CPS1: variants seen among roughly 807,000 people sequenced by gnomAD.
CPS1 encodes carbamoyl-phosphate synthase 1.
In CPS1, 109 loss-of-function variants were observed where a neutral mutation model predicts 174.6. That is an observed-to-expected ratio of 0.62 (90% CI 0.53 to 0.73). CPS1 has a LOEUF of 0.73. CPS1 is among the 30% of genes least tolerant of loss of function. The probability of loss-of-function intolerance (pLI) is 0.00; values close to 1 mark genes in which losing one functional copy is unlikely to be tolerated. For synonymous variants in CPS1, 637 were observed against 632.0 expected, an observed-to-expected ratio of 1.01 and a Z score of -0.12; for missense variants, 1,689 against 1,821.9, an observed-to-expected ratio of 0.93 and a Z score of 1.33.
intron 1 of CPS1, among the ~76,000 whole-genome samples, chr2:210,541,191 T>C (rs754717560): frequency 5.9e-5 from 9 of 152,168 alleles, no homozygotes; most frequent in Non-Finnish European, 1.2e-4. Flanking sequence ...AGCATCTTTA[T>C]TGAGACTGAT....
intron 31 of CPS1, among the ~76,000 whole-genome samples, chr2:210,659,577 G>T (rs1256481347): frequency 6.6e-6 from 1 of 152,100 alleles, no homozygotes; most frequent in Non-Finnish European, 1.5e-5. Context: ...CATGAGTTTT[G>T]ATGGGGACAA....
chr2:210,636,742 C>A (rs1395573942), intron 21 of CPS1, among the ~76,000 whole-genome samples: 1 of 151,974 alleles, frequency 6.6e-6, no homozygotes, highest in Non-Finnish European at 1.5e-5. Flanking sequence ...CAAAAGGCTT[C>A]ACAAATGAGG....
At chr2:210,598,627 G>A (rs547024358) in intron 13 of CPS1, among the ~76,000 whole-genome samples, 16 of 151,962 alleles carry the variant, frequency 1.1e-4, no homozygotes, top group Middle Eastern at 6.8e-3. Flanking sequence ...AGGGCATTAT[G>A]TAATAGTAAT....
intron 1 of CPS1, among the ~76,000 whole-genome samples, chr2:210,479,810 A>T (rs1178963624): frequency 6.6e-6 from 1 of 152,154 alleles, no homozygotes; most frequent in Non-Finnish European, 1.5e-5. Context: ...TGATTTTTTA[A>T]AAAAATGTAA....
chr2:210,538,916 T>A (rs951878), intron 1 of CPS1, among the ~76,000 whole-genome samples: 58,135 of 151,844 alleles, frequency 0.38, 11,463 homozygotes, highest in Middle Eastern at 0.51. Flanking sequence ...AGAGGAAAAA[T>A]TTATTACTAT....
chr2:210,654,682 A>G (rs1193954521), intron 29 of CPS1, among the ~76,000 whole-genome samples: 1 of 152,224 alleles, frequency 6.6e-6, no homozygotes, highest in Non-Finnish European at 1.5e-5. Context: ...TTGTATTAAT[A>G]ATGCATTTGT....
chr2:210,618,475 G>A (rs879936054), intron 21 of CPS1: 1 of 152,036 alleles, frequency 6.6e-6, no homozygotes, highest in Non-Finnish European at 1.5e-5. Flanking sequence ...ATGATCCACG[G>A]CGTTAGCAAA....
intron 1 of CPS1, among the ~76,000 whole-genome samples, chr2:210,563,420 C>G (rs1204003165): frequency 6.6e-6 from 1 of 152,118 alleles, no homozygotes; most frequent in East Asian, 1.9e-4. Context: ...TCTTCCATTT[C>G]AACCTAAATA....
At chr2:210,584,214 G>A (rs1017228429) in intron 6 of CPS1, among the ~76,000 whole-genome samples, 1 of 152,002 alleles carries the variant, frequency 6.6e-6, no homozygotes, top group African/African-American at 2.4e-5. Context: ...GTTACCATGG[G>A]GCTTTACATG....
At chr2:210,560,287 T>C (rs560488493) in intron 1 of CPS1, among the ~76,000 whole-genome samples, 3 of 152,130 alleles carry the variant, frequency 2.0e-5, no homozygotes, top group African/African-American at 7.2e-5. Flanking sequence ...GGAAGAATGA[T>C]AAATAGAAAT....
chr2:210,621,518 G>A (rs780163333), intron 21 of CPS1, among the ~76,000 whole-genome samples: 12 of 152,000 alleles, frequency 7.9e-5, no homozygotes, highest in Admixed American at 3.3e-4. Flanking sequence ...CAATGCCGAC[G>A]CTTTCACATA....
chr2:210,525,093 T>G (rs546836825), intron 1 of CPS1, among the ~76,000 whole-genome samples: 48 of 152,028 alleles, frequency 3.2e-4, no homozygotes, highest in African/African-American at 1.0e-3. Context: ...TCATCATCAG[T>G]CATTTTTCTA....
rs914408029 is a variant in CPS1 at position 210,577,524 on chromosome 2, T to C, written c.471+14T>C. On this transcript the variant is annotated intron_variant, in intron 4 of 37. Coordinates refer to ENST00000233072, the MANE Select transcript of CPS1 (RefSeq NM_001875.5). The stretch of plus-strand genomic sequence containing the variant: ...CAGGAAGAAAAGGTAAGAAATGTAA[T>C]AGGGCATCCATCATCACCTAAGGAA... 3.1e-6 allele frequency: 5 copies of C among 1,588,770 alleles called. No homozygotes were observed. Among genetic ancestry groups the C allele is most frequent in the African/African-American group, 1.3e-5 (1 of 74,388 alleles).
intron 1 of CPS1, among the ~76,000 whole-genome samples, chr2:210,564,109 G>C (rs1045845371): frequency 6.6e-6 from 1 of 152,112 alleles, no homozygotes; most frequent in South Asian, 2.1e-4. Context: ...ACCCCTAAAA[G>C]AGATGAGATT....
chr2:210,547,730 T>C (rs1211615850), intron 1 of CPS1, among the ~76,000 whole-genome samples: 1 of 152,126 alleles, frequency 6.6e-6, no homozygotes, highest in African/African-American at 2.4e-5. Flanking sequence ...AAATGTCTTT[T>C]ACTTATTTTT....
At chr2:210,592,329 C>T (rs1574563694) in intron 10 of CPS1, among the ~76,000 whole-genome samples, 1 of 151,988 alleles carries the variant, frequency 6.6e-6, no homozygotes, top group East Asian at 1.9e-4. Context: ...CCATAGCCCT[C>T]TGTGTTTTAA....
At chr2:210,663,369 G>T (rs1363894289) in intron 33 of CPS1, among the ~76,000 whole-genome samples, 172 bp downstream of exon 33, 2 of 152,112 alleles carry the variant, frequency 1.3e-5, no homozygotes, top group Non-Finnish European at 2.9e-5. Flanking sequence ...TTTGAATAGG[G>T]TCTAAATTCT....
chr2:210,605,159 A>G lies in CPS1; in HGVS notation c.1894A>G (p.Ile632Val), dbSNP rs758252357. Residue 632 changes from isoleucine (I) to valine (V), a missense_variant, in exon 17 of 38, where the codon ATA (isoleucine) becomes GTA (valine). Physicochemically the swap from Ile to Val is conservative, Grantham distance 29. Coordinates refer to ENST00000233072, the MANE Select transcript of CPS1 (RefSeq NM_001875.5). ...GAAGTCAGTGACAGGTTGGAAAGAA[A>G]TAGAATATGAAGTGGTTCGAGATGC... ...VEKSVTGWKE[I>V]EYEVVRDADD... 6.2e-7 allele frequency: 1 copy of G among 1,612,190 alleles called. No homozygotes were observed. The highest frequency in any genetic ancestry group is 1.1e-5 in the South Asian group (1 of 91,056).
intron 1 of CPS1, among the ~76,000 whole-genome samples, chr2:210,561,228 CA>C: frequency 6.6e-6 from 1 of 152,180 alleles, no homozygotes; most frequent in East Asian, 1.9e-4. Flanking sequence ...ACCTGAGATG[CA>C]AAATTTAAGG....
Sources: allele counts gnomAD v4.1 joint callset (sites outside exome capture counted in the v4.1 genomes callset), GRCh38; gene constraint gnomAD v4.1.1; transcripts MANE v1.5; gene names NCBI Gene and HGNC (gene_info 2026-07-23, HGNC 2026-07-21).